SRPK2: variants seen among roughly 807,000 people sequenced by gnomAD.
The protein encoded by SRPK2 is SRSF protein kinase 2, also known as SFRS protein kinase 2.
In SRPK2, 21 loss-of-function variants were observed where a neutral mutation model predicts 90.8. The observed-to-expected ratio is 0.23, with a 90% CI of 0.16 to 0.33. SRPK2 has a LOEUF of 0.33. Ranked by LOEUF, SRPK2 falls within the 10% of genes least tolerant of loss-of-function variation. The pLI, the probability that SRPK2 is intolerant of heterozygous loss-of-function variation, is 1.00. For synonymous variants in SRPK2, 288 were observed against 311.1 expected (o/e 0.93, Z 0.78); for missense variants, 620 against 869.0 (o/e 0.71, Z 3.60).
chr7:105,306,739 G>C (rs964782858), intron 2 of SRPK2: 4 of 194,250 alleles, frequency 2.1e-5, no homozygotes, highest in African/African-American at 9.4e-5. Flanking sequence ...AACTTAAGTG[G>C]AGAATAACTT....
rs776899494 is a variant in SRPK2 at position 105,117,790 on chromosome 7, TG to T, written c.*47del. 1 of 1,592,598 alleles carries T rather than the reference TG, an allele frequency of 6.3e-7. No individual in the cohort carries two copies. The highest frequency in any genetic ancestry group is 8.6e-7 in the Non-Finnish European group (1 of 1,163,488). On this transcript the variant is annotated 3_prime_UTR_variant, in exon 16 of 16. Transcript: ENST00000393651. ...AATGAGAGTCACCGTTTAGGTCCAA[TG>T]TACTGGGAACATTTGCTAGCTCAGA...
At chr7:105,330,290 T>A (rs1390537428) in intron 2 of SRPK2, among the ~76,000 whole-genome samples, 9 of 151,806 alleles carry the variant, frequency 5.9e-5, no homozygotes, top group Non-Finnish European at 5.9e-5. Flanking sequence ...TGAGCCGAGA[T>A]CGCGCCACTG....
intron 2 of SRPK2, among the ~76,000 whole-genome samples, chr7:105,206,177 T>A (rs1585173870): frequency 6.9e-6 from 1 of 145,902 alleles, no homozygotes; most frequent in African/African-American, 2.5e-5. Context: ...GCTGTGGCCA[T>A]CAAAAATGCG....
At chr7:105,242,644 C>G (rs1433091164) in intron 2 of SRPK2, among the ~76,000 whole-genome samples, 1 of 152,188 alleles carries the variant, frequency 6.6e-6, no homozygotes, top group Non-Finnish European at 1.5e-5. Context: ...GGCAGGTGTG[C>G]ATGCACACAT....
At chr7:105,195,148 G>C (rs972210851) in intron 3 of SRPK2, among the ~76,000 whole-genome samples, 1 of 152,132 alleles carries the variant, frequency 6.6e-6, no homozygotes, top group African/African-American at 2.4e-5. Context: ...CTCCCACGTT[G>C]AAGTGATTCT....
In SRPK2 at chr7:105,306,670, G is replaced by A. The variant is rs549427842; in HGVS notation, c.71+81978C>T. 3.3e-4 allele frequency: 115 copies of A among 346,736 alleles called. 1 individual carries two copies. The highest frequency in any genetic ancestry group is 2.1e-3 in the African/African-American group (98 of 46,522). 21.5% of individuals were successfully genotyped at this position (346,736 alleles called of 1,614,324 possible). Reference sequence around the variant, plus strand: ...CCTTCAGTTGGAAAAGCATTTAACCGAAACACTCATTTACAAATATCTTTA... The same window carrying A: ...CCTTCAGTTGGAAAAGCATTTAACCAAAACACTCATTTACAAATATCTTTA... On this transcript the variant is annotated intron_variant, in intron 2 of 15. Transcript: ENST00000393651.
At chr7:105,178,200 A>G (rs1011737733) in intron 3 of SRPK2, among the ~76,000 whole-genome samples, 4 of 152,094 alleles carry the variant, frequency 2.6e-5, no homozygotes, top group Non-Finnish European at 4.4e-5. Context: ...TACATTCACC[A>G]CAGCAAAAAC....
intron 3 of SRPK2, among the ~76,000 whole-genome samples, chr7:105,198,515 T>C (rs890201706): frequency 2.0e-5 from 3 of 151,554 alleles, no homozygotes; most frequent in African/African-American, 7.3e-5. Flanking sequence ...AGACCAGAGG[T>C]GATATGTAAA....
intron 6 of SRPK2, among the ~76,000 whole-genome samples, chr7:105,165,162 T>G (rs1228539802): frequency 6.6e-6 from 1 of 152,188 alleles, no homozygotes; most frequent in African/African-American, 2.4e-5. Context: ...GGAGCTACCC[T>G]TTGCCAACTC....
At chr7:105,144,197 C>G (rs1310123301) in intron 9 of SRPK2, 2 of 151,382 alleles carry the variant, frequency 1.3e-5, no homozygotes, top group Non-Finnish European at 2.9e-5. Context: ...GCCTCAGCCT[C>G]CCATGTAGCT....
At chr7:105,388,458 C>A (rs923504068) in intron 2 of SRPK2, among the ~76,000 whole-genome samples, 190 bp downstream of exon 2, 3 of 146,624 alleles carry the variant, frequency 2.0e-5, no homozygotes, top group African/African-American at 7.4e-5. Context: ...CCGGCCGCGG[C>A]CCGCGCGCCC....
upstream of SRPK2, among the ~76,000 whole-genome samples, chr7:105,391,183 A>AATTTATTTAATT (rs1554534317): frequency 1.3e-5 from 2 of 148,314 alleles, no homozygotes; most frequent in Non-Finnish European, 3.0e-5. Flanking sequence ...ATGACTATAA[A>AATTTATTTAATT]ATTTATTTAT....
chr7:105,394,392 C>T (rs1305751002), intron 1 of SRPK2, among the ~76,000 whole-genome samples: 2 of 152,056 alleles, frequency 1.3e-5, no homozygotes, highest in African/African-American at 2.4e-5. Flanking sequence ...CCGCCCGCCT[C>T]GGCCTCTCAA....
intron 2 of SRPK2, among the ~76,000 whole-genome samples, chr7:105,286,683 C>T (rs930937536): frequency 6.6e-6 from 1 of 152,212 alleles, no homozygotes; most frequent in Non-Finnish European, 1.5e-5. Context: ...TTTACTTACA[C>T]TGGCACTCCC....
chr7:105,337,214 G>A (rs932260640), intron 2 of SRPK2, among the ~76,000 whole-genome samples: 8 of 152,048 alleles, frequency 5.3e-5, no homozygotes, highest in Non-Finnish European at 7.4e-5. Flanking sequence ...CCCAAAATTC[G>A]TATGTTGAAG....
chr7:105,170,863 GAAAGAAAGAAAGA>G lies in SRPK2; in HGVS notation c.230-1611_230-1599del, dbSNP rs1563025289. On this transcript the variant is annotated intron_variant, in intron 3 of 15. Transcript: ENST00000393651. ...AGAAAGAAAGAAAGAAAGAAAGAAA[GAAAGAAAGAAAGA>G]AAGAAAGAAAGAAAGAAAGAAAGAA... Among the ~76,000 whole-genome samples, 59 of 78,384 alleles carry G rather than the reference GAAAGAAAGAAAGA, an allele frequency of 7.5e-4. 2 individuals carry two copies. Among genetic ancestry groups the G allele is most frequent in the African/African-American group, 2.4e-3 (54 of 22,602 alleles). 51.4% of individuals were successfully genotyped at this position (78,384 alleles called of 152,430 possible).
In SRPK2 at chr7:105,126,302, G is replaced by A; in HGVS notation, c.1861C>T (p.Pro621Ser). 1 of 1,614,106 alleles carries A rather than the reference G, an allele frequency of 6.2e-7. No individual in the cohort carries two copies. The highest frequency in any genetic ancestry group is 1.1e-5 in the South Asian group (1 of 91,080). The part of the protein sequence containing the change: ...AHIIELLGSI[P>S]RHFALSGKYS... Reference sequence around the variant, plus strand: ...TTTCCAGATAGAGCAAAGTGCCTTGGAATACTGCCTAGCAGCTCTATGATG... The same window carrying A: ...TTTCCAGATAGAGCAAAGTGCCTTGAAATACTGCCTAGCAGCTCTATGATG... The change falls in exon 15 of 16, where the codon CCA becomes TCA. Residue 621 changes from proline (P) to serine (S), a missense_variant. Pro to Ser is a moderately conservative substitution (Grantham distance 74). This residue lies in a region of SRPK2 where 71 missense variants were observed against 123.1 expected (regional missense o/e 0.58). Coordinates refer to ENST00000393651, the MANE Select transcript of SRPK2 (RefSeq NM_182692.3).
intron 2 of SRPK2, among the ~76,000 whole-genome samples, chr7:105,290,428 G>A (rs66469172): frequency 0.43 from 65,937 of 151,722 alleles, 15,612 homozygotes; most frequent in South Asian, 0.53. Context: ...AGCCCAGGAG[G>A]CGGAGTTCAC....
At chr7:105,363,025 C>G (rs1269092478) in intron 2 of SRPK2, among the ~76,000 whole-genome samples, 2 of 150,682 alleles carry the variant, frequency 1.3e-5, no homozygotes, top group Non-Finnish European at 3.0e-5. Context: ...CATCACACAC[C>G]GGGGCCTGTC....
Sources: gnomAD v4.1 joint callset for allele counts (sites outside exome capture counted in the v4.1 genomes callset) on GRCh38, gnomAD v4.1.1 for gene constraint, gnomAD v4.1.1 regional missense constraint, MANE v1.5 for transcripts, NCBI Gene and HGNC (gene_info 2026-07-23, HGNC 2026-07-21) for gene names.